TEX14: variants seen among roughly 807,000 people sequenced by gnomAD.
TEX14 encodes testis expressed 14, intercellular bridge forming factor.
TEX14 carries 168 observed loss-of-function variants against 178.6 expected under a neutral mutation model. The observed-to-expected ratio is 0.94, with a 90% CI of 0.83 to 1.07. The LOEUF (loss-of-function observed/expected upper bound fraction) is 1.07. Among genes scored for constraint, TEX14 ranks in the 50% least tolerant of loss-of-function variants. The pLI, the probability that TEX14 is intolerant of heterozygous loss-of-function variation, is 0.00. For missense variants in TEX14, 1,730 were observed against 1,753.6 expected (o/e 0.99, Z 0.24); for synonymous variants, 626 against 634.1 (o/e 0.99, Z 0.19).
At chr17:58,616,969 G>T (rs34878689) in intron 6 of TEX14, among the ~76,000 whole-genome samples, 1 of 152,028 alleles carries the variant, frequency 6.6e-6, no homozygotes, top group Non-Finnish European at 1.5e-5. Flanking sequence ...CGGGGAGTAG[G>T]GCTGGGCGAG....
At chr17:58,571,800 C>T (rs2044536506) in intron 24 of TEX14, 121 bp downstream of exon 24, 3 of 831,178 alleles carry the variant, frequency 3.6e-6, no homozygotes, top group Non-Finnish European at 3.8e-6. Flanking sequence ...CCAGGCAAGC[C>T]AGGAGAGGAC....
rs75853011 is a variant in TEX14, at chr17:58,604,001, C to T, written c.1336+977G>A. 6.4e-4 allele frequency among the ~76,000 whole-genome samples: 94 copies of T among 147,744 alleles called. No homozygotes were observed. The East Asian group carries it at 0.015, about 24-fold the overall frequency. ...AGATATGTGACTACTTTCTCCACAT[C>T]AGAGCAGTGGATTTGGAAGTACATC... On this transcript the variant is annotated intron_variant, in intron 11 of 31. Transcript: ENST00000349033.
chr17:58,557,092 G>C, intron 31 of TEX14, 45 bp from the exon 32 acceptor site: 1 of 1,521,158 alleles, frequency 6.6e-7, no homozygotes, highest in Non-Finnish European at 9.1e-7. Context: ...GTTTCGAGTT[G>C]GTATGTGTGT....
chr17:58,612,155 G>C (rs906048335), intron 9 of TEX14, among the ~76,000 whole-genome samples: 1 of 152,208 alleles, frequency 6.6e-6, no homozygotes, highest in Non-Finnish European at 1.5e-5. Flanking sequence ...TGAGAGGGGA[G>C]TGATACAGGC....
At chr17:58,690,078 T>C (rs972057282) in intron 1 of TEX14, among the ~76,000 whole-genome samples, 2 of 152,138 alleles carry the variant, frequency 1.3e-5, no homozygotes, top group Non-Finnish European at 1.5e-5. Flanking sequence ...CTCGATCTCC[T>C]GACCTTGTGA....
intron 2 of TEX14, among the ~76,000 whole-genome samples, chr17:58,647,398 G>A (rs1356496516): frequency 2.6e-5 from 4 of 151,290 alleles, no homozygotes; most frequent in Non-Finnish European, 4.4e-5. Context: ...TGGGTGTAGT[G>A]GCGGGTGCCT....
At chr17:58,623,818 A>G (rs2046064884) in intron 3 of TEX14, among the ~76,000 whole-genome samples, 2 of 136,656 alleles carry the variant, frequency 1.5e-5, no homozygotes, top group Admixed American at 7.5e-5. Context: ...AGGGGGAGGG[A>G]AGGGGAGGGG....
chr17:58,601,687 TTA>T, intron 13 of TEX14, 117 bp downstream of exon 13: 1 of 967,316 alleles, frequency 1.0e-6, no homozygotes, highest in Non-Finnish European at 1.6e-6. Flanking sequence ...GAGCTAGACT[TTA>T]TCTCACAAAA....
chr17:58,649,035 C>G (rs2046782435), intron 2 of TEX14, among the ~76,000 whole-genome samples: 2 of 151,202 alleles, frequency 1.3e-5, no homozygotes, highest in South Asian at 4.2e-4. Flanking sequence ...CCTCGGTCTC[C>G]CAAAGTGCTG....
At chr17:58,594,070 T>C (rs1308146865) in intron 14 of TEX14, among the ~76,000 whole-genome samples, 1 of 152,092 alleles carries the variant, frequency 6.6e-6, no homozygotes, top group African/African-American at 2.4e-5. Flanking sequence ...CTTGACTTTG[T>C]GATCCACCCA....
intron 26 of TEX14, 63 bp from the exon 27 acceptor site, chr17:58,565,887 G>T: frequency 7.6e-7 from 1 of 1,320,888 alleles, no homozygotes; most frequent in Non-Finnish European, 1.1e-6. Flanking sequence ...CCGTTCTCTA[G>T]AGCAGTGGTT....
chr17:58,585,257 C>G (rs757559047), intron 18 of TEX14, among the ~76,000 whole-genome samples: 2 of 152,084 alleles, frequency 1.3e-5, no homozygotes, highest in Non-Finnish European at 2.9e-5. Context: ...ACAAAGGGAC[C>G]TGTTTCAGTA....
At chr17:58,655,135 C>G (rs953884736) in intron 1 of TEX14, among the ~76,000 whole-genome samples, 34 of 150,178 alleles carry the variant, frequency 2.3e-4, no homozygotes, top group African/African-American at 8.1e-4. Context: ...GCCTCCGCTT[C>G]CTGGGTAGCT....
At chr17:58,609,829 A>C (rs17822807) in intron 10 of TEX14, among the ~76,000 whole-genome samples, 24,654 of 152,220 alleles carry the variant, frequency 0.16, 2,429 homozygotes, top group Non-Finnish European at 0.21. Context: ...GCAGTAAATA[A>C]AACAGAAATC....
chr17:58,656,892 C>T (rs575493214), intron 1 of TEX14, among the ~76,000 whole-genome samples: 5 of 134,450 alleles, frequency 3.7e-5, no homozygotes, highest in Admixed American at 3.3e-4. Flanking sequence ...CATTGCACTC[C>T]AGCGTGGGTG....
At position 58,691,539 on chromosome 17, in the gene TEX14, C is replaced by T. The variant is rs986898646; in HGVS notation, c.-2+400G>A. ...AAAATTAGCCGGGCATGGTGGCGTG[C>T]GCCTGTAATCCCAGGTACTCAAGAG... On this transcript the variant is annotated intron_variant, in intron 1 of 31. Transcript: ENST00000349033. Among the ~76,000 whole-genome samples, 3 of 151,716 alleles carry T rather than the reference C, an allele frequency of 2.0e-5. No individual in the cohort carries two copies. The South Asian group carries it at 6.3e-4, about 32-fold the overall frequency.
At chr17:58,567,035 C>T (rs901281083) in intron 26 of TEX14, among the ~76,000 whole-genome samples, 1 of 151,624 alleles carries the variant, frequency 6.6e-6, no homozygotes, top group Non-Finnish European at 1.5e-5. Flanking sequence ...GGCATGGTGG[C>T]TCATGCCTGT....
chr17:58,556,760 T>A lies in TEX14; in HGVS notation c.*251A>T. 6.6e-6 allele frequency: 3 copies of A among 457,518 alleles called. No individual in the cohort carries two copies. Among genetic ancestry groups the A allele is most frequent in the Non-Finnish European group, 1.2e-5 (3 of 258,358 alleles). 28.3% of individuals were successfully genotyped at this position (457,518 alleles called of 1,614,324 possible). A position where few individuals can be genotyped will look rare whatever the true frequency, so the allele number is the denominator to read the frequency against. On this transcript the variant is annotated 3_prime_UTR_variant, in exon 32 of 32. Transcript: ENST00000349033. Reference sequence around the variant, plus strand: ...AACATCAACAAAACCAAAGCCATTCTAGGCACAACCAAAAATTTTTACTAT... The same window carrying A: ...AACATCAACAAAACCAAAGCCATTCAAGGCACAACCAAAAATTTTTACTAT...
chr17:58,571,320 C>G (rs1160689527), intron 24 of TEX14, among the ~76,000 whole-genome samples: 1 of 148,690 alleles, frequency 6.7e-6, no homozygotes, highest in Admixed American at 6.8e-5. Context: ...ACTGCAACCT[C>G]GACCTCCTGG....
Sources: gnomAD v4.1 joint callset for allele counts (sites outside exome capture counted in the v4.1 genomes callset) on GRCh38, gnomAD v4.1.1 for gene constraint, MANE v1.5 for transcripts, NCBI Gene and HGNC (gene_info 2026-07-23, HGNC 2026-07-21) for gene names.